The following TTPA variants were observed in gnomAD, a reference collection of about 807,000 sequenced individuals.
TTPA encodes alpha tocopherol transfer protein.
Under a neutral mutation model 25.9 loss-of-function variants are expected in TTPA, and 23 were observed. That is an observed-to-expected ratio of 0.89 (90% confidence interval 0.64 to 1.26). The LOEUF (loss-of-function observed/expected upper bound fraction) is 1.26. TTPA is among the 50% of genes most tolerant of loss of function. The pLI, the probability that TTPA is intolerant of heterozygous loss-of-function variation, is 0.00. For missense variants in TTPA, 337 were observed against 353.1 expected, an observed-to-expected ratio of 0.95 and a Z score of 0.37; for synonymous variants, 148 against 137.3, an observed-to-expected ratio of 1.08 and a Z score of -0.54.
At chr8:63,079,614 A>G (rs544910074) in intron 1 of TTPA, among the ~76,000 whole-genome samples, 1 of 152,326 alleles carries the variant, frequency 6.6e-6, no homozygotes, top group South Asian at 2.1e-4. Flanking sequence ...TCAATTCAAC[A>G]AGAAGAGCTA....
chr8:63,081,932 A>C, intron 1 of TTPA, among the ~76,000 whole-genome samples: 1 of 152,224 alleles, frequency 6.6e-6, no homozygotes. Flanking sequence ...TCCAACTTAC[A>C]AGGAATGTGA....
chr8:63,059,020 G>GTTTTTTTTT (rs35335226), downstream of TTPA, among the ~76,000 whole-genome samples: 13 of 67,192 alleles, frequency 1.9e-4, 1 homozygote, highest in African/African-American at 5.3e-4. Context: ...GCAGGGTCCA[G>GTTTTTTTTT]TTTTTTTTTT....
rs199726546 is a variant in TTPA, at chr8:63,063,151, A to AT, written c.663+1054dup. On this transcript the variant is annotated intron_variant, in intron 4 of 4. Transcript: ENST00000260116. ...TATTATCACTGCTGACATTTCAGTG[A>AT]TTTTTTAGATTTAAACTGTTAAAAC... is the stretch of plus-strand genomic sequence containing the variant. 3.5e-4 allele frequency among the ~76,000 whole-genome samples: 53 copies of AT among 152,330 alleles called. No homozygotes were observed. The East Asian group carries it at 0.01, about 29-fold the overall frequency.
At chr8:63,081,455 A>G (rs191353648) in intron 1 of TTPA, among the ~76,000 whole-genome samples, 32 of 152,346 alleles carry the variant, frequency 2.1e-4, no homozygotes, top group African/African-American at 7.7e-4. Context: ...TTCATGCTAA[A>G]GACTGTCAAA....
chr8:63,070,224 A>G (rs1452046695), intron 2 of TTPA, among the ~76,000 whole-genome samples: 1 of 152,196 alleles, frequency 6.6e-6, no homozygotes, highest in Non-Finnish European at 1.5e-5. Context: ...TGCTGCTAGT[A>G]GTATACTATG....
chr8:63,085,731 G>C (rs1483933104), intron 1 of TTPA, 87 bp downstream of exon 1: 15 of 1,475,966 alleles, frequency 1.0e-5, no homozygotes, highest in Admixed American at 2.1e-5. Context: ...CCTGGGCTTC[G>C]GCAGGGGTCA....
intron 2 of TTPA, among the ~76,000 whole-genome samples, chr8:63,067,861 G>A (rs1341772174): frequency 1.3e-5 from 2 of 152,174 alleles, no homozygotes; most frequent in African/African-American, 4.8e-5. Context: ...GTGAGAACAT[G>A]TGGTATTTCG....
chr8:63,063,318 A>T (rs1390387098), intron 4 of TTPA, among the ~76,000 whole-genome samples: 1 of 152,114 alleles, frequency 6.6e-6, no homozygotes, highest in Non-Finnish European at 1.5e-5. Context: ...CCTTTCAAAA[A>T]GTCTAAGATA....
chr8:63,076,697 A>G (rs1192017696), intron 1 of TTPA, among the ~76,000 whole-genome samples: 4 of 152,210 alleles, frequency 2.6e-5, no homozygotes, highest in Admixed American at 6.5e-5. Context: ...TGAAATTAGT[A>G]AATGAAACAT....
chr8:63,062,071 T>C (rs1805315260), intron 4 of TTPA, among the ~76,000 whole-genome samples: 1 of 152,030 alleles, frequency 6.6e-6, no homozygotes, highest in Admixed American at 6.6e-5. Context: ...GGTGCAGGAC[T>C]GTAGTCCCAG....
chr8:63,058,676 A>G (rs192859100), downstream of TTPA, among the ~76,000 whole-genome samples: 1 of 152,006 alleles, frequency 6.6e-6, no homozygotes, highest in Admixed American at 6.6e-5. Flanking sequence ...GCCTAGATTA[A>G]CTGACTTATC....
chr8:63,061,157 T>C lies in TTPA; in HGVS notation c.*95A>G. 2 of 1,289,254 alleles carry C rather than the reference T, an allele frequency of 1.6e-6. No homozygotes were observed. The highest frequency in any genetic ancestry group is 1.1e-6 in the Non-Finnish European group (1 of 907,014). The allele number at this position is 1,289,254 out of a possible 1,614,324, so 79.9% of individuals were successfully genotyped here. On this transcript the variant is annotated 3_prime_UTR_variant, in exon 5 of 5. Coordinates refer to ENST00000260116, the MANE Select transcript of TTPA (RefSeq NM_000370.3). ...TTTTTAAAGTTCAGGCAAGCATTAGTTTAAAAGATTTGCTCCTTTTCTTTC... is the reference window on the plus strand; with the variant it reads ...TTTTTAAAGTTCAGGCAAGCATTAGCTTAAAAGATTTGCTCCTTTTCTTTC...
intron 1 of TTPA, among the ~76,000 whole-genome samples, chr8:63,080,040 G>A (rs1323894087): frequency 1.3e-5 from 2 of 152,124 alleles, no homozygotes; most frequent in African/African-American, 4.8e-5. Flanking sequence ...ACAACTACAT[G>A]GAAACTGAAC....
intron 3 of TTPA, among the ~76,000 whole-genome samples, chr8:63,064,967 CTT>C: frequency 6.6e-6 from 1 of 152,172 alleles, no homozygotes; most frequent in East Asian, 1.9e-4. Flanking sequence ...GCATAATTTT[CTT>C]TTAAACATAA....
rs1805302231 is a variant in TTPA at position 63,061,305 on chromosome 8, A to T, written c.784T>A (p.Phe262Ile). ...AGATAATCTTCAGACTTCATTATAA[A>T]ATTTGTCCATTCCTGACAAATGTCC... The part of the protein sequence containing the change: ...MEDICQEWTN[F>I]IMKSEDYLSS... The change falls in exon 5 of 5, where the codon TTT becomes ATT. Residue 262 changes from phenylalanine to isoleucine, a missense_variant. Transcript: ENST00000260116. 1 of 1,613,888 alleles carries T rather than the reference A, an allele frequency of 6.2e-7. No homozygotes were observed. Among genetic ancestry groups the T allele is most frequent in the South Asian group, 1.1e-5 (1 of 91,080 alleles).
intron 3 of TTPA, 103 bp from the exon 4 acceptor site, chr8:63,064,419 C>G (rs1031127839): frequency 4.3e-5 from 34 of 785,878 alleles, no homozygotes; most frequent in Non-Finnish European, 5.6e-5. Flanking sequence ...ATGGAAATAT[C>G]TAAAGTGTGT....
intron 2 of TTPA, among the ~76,000 whole-genome samples, chr8:63,066,301 C>T (rs533157750): frequency 2.2e-4 from 34 of 152,168 alleles, no homozygotes; most frequent in Non-Finnish European, 4.1e-4. Flanking sequence ...CAAAGAATGG[C>T]TTTTAAAGAG....
chr8:63,072,445 T>C (rs1488333634), intron 2 of TTPA, among the ~76,000 whole-genome samples: 4 of 152,142 alleles, frequency 2.6e-5, no homozygotes, highest in African/African-American at 9.7e-5. Context: ...GTACTTTTAG[T>C]AGAGACGGGG....
chr8:63,059,033 T>G (rs1276444993), downstream of TTPA, among the ~76,000 whole-genome samples: 35 of 124,876 alleles, frequency 2.8e-4, no homozygotes, highest in African/African-American at 9.9e-4. Flanking sequence ...TTTTTTTTTT[T>G]TTTTTTTTTT....
Sources: allele counts gnomAD v4.1 joint callset (sites outside exome capture counted in the v4.1 genomes callset), GRCh38; gene constraint gnomAD v4.1.1; transcripts MANE v1.5; gene names NCBI Gene and HGNC (gene_info 2026-07-23, HGNC 2026-07-21).